Variants in SLC19A3 observed in about 807,000 individuals in gnomAD.
SLC19A3 encodes thiamine transporter 2.
Under a neutral mutation model 40.2 loss-of-function variants are expected in SLC19A3, and 31 were observed. The ratio of observed to expected loss-of-function variants is 0.77; its 90% confidence interval spans 0.58 to 1.04. The LOEUF is 1.04. Ranked by LOEUF, SLC19A3 falls within the 50% of genes least tolerant of loss-of-function variation. SLC19A3 has a pLI of 0.00. For synonymous variants in SLC19A3, 212 were observed against 227.5 expected, an observed-to-expected ratio of 0.93 and a Z score of 0.61; for missense variants, 592 against 596.7, an observed-to-expected ratio of 0.99 and a Z score of 0.08.
chr2:227,714,099 C>G (rs1164754286), intron 1 of SLC19A3, among the ~76,000 whole-genome samples: 2 of 152,120 alleles, frequency 1.3e-5, no homozygotes, highest in African/African-American at 4.8e-5. Flanking sequence ...CACTTAAAAT[C>G]TTTGTTTGTA....
chr2:227,686,688 A>G lies in SLC19A3; in HGVS notation c.*709T>C, dbSNP rs1695029389. 6.6e-6 allele frequency: 1 copy of G among 152,250 alleles called. No homozygotes were observed. Among genetic ancestry groups the G allele is most frequent in the Non-Finnish European group, 1.5e-5 (1 of 68,078 alleles). The allele number at this position is 152,250 out of a possible 1,614,324, so 9.4% of individuals were successfully genotyped here. Reference sequence around the variant, plus strand: ...ACTGCCTCTCCCAGGCCACTGGGAAATGACCTTGTGTATTCTGCAAATACA... The same window carrying G: ...ACTGCCTCTCCCAGGCCACTGGGAAGTGACCTTGTGTATTCTGCAAATACA... On this transcript the variant is annotated 3_prime_UTR_variant, in exon 6 of 6. Coordinates refer to ENST00000644224, the MANE Select transcript of SLC19A3 (RefSeq NM_025243.4).
intron 1 of SLC19A3, chr2:227,714,436 T>A: frequency 2.0e-6 from 2 of 985,392 alleles, no homozygotes; most frequent in South Asian, 4.7e-5. Context: ...GGCAGGAGGA[T>A]CCCTTGAGTT....
intron 5 of SLC19A3, among the ~76,000 whole-genome samples, chr2:227,687,952 T>C (rs892367331): frequency 2.0e-5 from 3 of 152,324 alleles, no homozygotes; most frequent in Admixed American, 1.3e-4. Flanking sequence ...AATTTAAGCA[T>C]TGAGGTTACT....
At chr2:227,693,296 A>C (rs996387408) in intron 4 of SLC19A3, among the ~76,000 whole-genome samples, 56 of 152,110 alleles carry the variant, frequency 3.7e-4, no homozygotes, top group Non-Finnish European at 7.6e-4. Flanking sequence ...ACAACAAAAA[A>C]CTGGAGGAAT....
intron 1 of SLC19A3, among the ~76,000 whole-genome samples, chr2:227,710,986 A>C (rs1399796156): frequency 6.6e-6 from 1 of 152,198 alleles, no homozygotes; most frequent in Non-Finnish European, 1.5e-5. Context: ...AATAGAAGAG[A>C]ATATAACTTT....
chr2:227,688,059 T>A, intron 5 of SLC19A3, 107 bp downstream of exon 5: 2 of 1,259,238 alleles, frequency 1.6e-6, no homozygotes, highest in Non-Finnish European at 2.3e-6. Context: ...GAATTATGTA[T>A]TTTTTAATTG....
intron 1 of SLC19A3, among the ~76,000 whole-genome samples, chr2:227,705,316 G>A (rs554585781): frequency 2.0e-5 from 3 of 151,870 alleles, no homozygotes; most frequent in East Asian, 3.9e-4. Flanking sequence ...AGTTGTAGAG[G>A]AAGACTGGGC....
chr2:227,697,184 G>A (rs1039918223), intron 3 of SLC19A3, among the ~76,000 whole-genome samples: 5 of 152,132 alleles, frequency 3.3e-5, no homozygotes, highest in African/African-American at 7.2e-5. Flanking sequence ...TTCCCCCCAT[G>A]GATTTGGAAT....
chr2:227,714,084 A>G (rs772710491), intron 1 of SLC19A3, among the ~76,000 whole-genome samples: 4 of 152,212 alleles, frequency 2.6e-5, no homozygotes, highest in Non-Finnish European at 4.4e-5. Flanking sequence ...GTATACAATT[A>G]TAAACACTTA....
intron 4 of SLC19A3, among the ~76,000 whole-genome samples, chr2:227,688,547 G>T (rs1695107509): frequency 6.6e-6 from 1 of 152,136 alleles, no homozygotes; most frequent in Non-Finnish European, 1.5e-5. Flanking sequence ...AGCTCTAAGA[G>T]TCTGCTAGAA....
rs777773897 is a variant in SLC19A3, at chr2:227,700,909, C to G, written c.150+1260G>C. 50 of 1,296,836 alleles carry G rather than the reference C, an allele frequency of 3.9e-5. 1 individual carries two copies. The South Asian group carries it at 6.0e-4, about 16-fold the overall frequency. 80.3% of individuals were successfully genotyped at this position (1,296,836 alleles called of 1,614,324 possible). On this transcript the variant is annotated intron_variant, in intron 2 of 5. Transcript: ENST00000644224. ...CAGCCTCTCAAATCACTGAACGTAC[C>G]CACCTTGACACCTGGATCACTGAGG...
At chr2:227,697,374 T>G (rs1236049869) in intron 3 of SLC19A3, among the ~76,000 whole-genome samples, 5 of 152,342 alleles carry the variant, frequency 3.3e-5, no homozygotes, top group South Asian at 2.1e-4. Context: ...AAGTCTCATT[T>G]GACATTTAAG....
intron 1 of SLC19A3, among the ~76,000 whole-genome samples, chr2:227,711,101 C>T (rs1696119931): frequency 6.6e-6 from 1 of 152,184 alleles, no homozygotes; most frequent in African/African-American, 2.4e-5. Context: ...TGCTTAACCA[C>T]CGTCGTTCTG....
At position 227,703,749 on chromosome 2, in the gene SLC19A3, T is replaced by A. The variant is rs1317376813; in HGVS notation, c.-2-1429A>T. ...TGAGGCTTGGTCATCTTCTGAAGAG[T>A]GGTCTTGCTGGGGTAGCATCTGCTG... On this transcript the variant is annotated intron_variant, in intron 1 of 5. Transcript: ENST00000644224. This position sits in a 1 kb window ranked among gnomAD's most constrained non-coding sequence, Gnocchi z 4.7. Among the ~76,000 whole-genome samples the A allele has an allele frequency of 6.6e-6, 1 of 151,930 alleles. No homozygotes were observed. Among genetic ancestry groups the A allele is most frequent in the African/African-American group, 2.4e-5 (1 of 41,350 alleles).
At chr2:227,694,543 T>C (rs1468708383) in intron 4 of SLC19A3, among the ~76,000 whole-genome samples, 3 of 152,236 alleles carry the variant, frequency 2.0e-5, no homozygotes, top group Non-Finnish European at 2.9e-5. Context: ...CAAAACTTGA[T>C]GAAGCTTTTG....
chr2:227,700,537 G>GAAC (rs1695645814), intron 2 of SLC19A3, among the ~76,000 whole-genome samples: 1 of 151,960 alleles, frequency 6.6e-6, no homozygotes, highest in East Asian at 1.9e-4. Flanking sequence ...GACTCCATCT[G>GAAC]AACAACAACA....
At chr2:227,706,134 A>G (rs1474845803) in intron 1 of SLC19A3, among the ~76,000 whole-genome samples, 1 of 151,904 alleles carries the variant, frequency 6.6e-6, no homozygotes, top group African/African-American at 2.4e-5. Context: ...GTTTGGGAGG[A>G]TCACTTCCTC....
rs1008991891 is a variant in SLC19A3 at position 227,705,403 on chromosome 2, C to T, written c.-2-3083G>A. 2.0e-5 allele frequency among the ~76,000 whole-genome samples: 3 copies of T among 149,022 alleles called. No homozygotes were observed. In the Admixed American group the frequency reaches 2.0e-4, roughly 10 times the overall value. On this transcript the variant is annotated intron_variant, in intron 1 of 5. Transcript: ENST00000644224. The stretch of plus-strand genomic sequence containing the variant: ...ACTGCTTGAGGTCAGGTGTTTGAGA[C>T]CAGCCTGGACAACATAGCGAGGCCC...
chr2:227,686,532 T>TG lies in SLC19A3; in HGVS notation c.*864dup, dbSNP rs1292408781. ...TCAGGTGTCACTGTGTTGCCCAGGCTGGTCTTGAACCTCTGGCCTCAAGCA... is the reference window on the plus strand; with the variant it reads ...TCAGGTGTCACTGTGTTGCCCAGGCTGGGTCTTGAACCTCTGGCCTCAAGCA... On this transcript the variant is annotated 3_prime_UTR_variant, in exon 6 of 6. Coordinates refer to ENST00000644224, the MANE Select transcript of SLC19A3 (RefSeq NM_025243.4). 1 of 152,812 alleles carries TG rather than the reference T, an allele frequency of 6.5e-6. No individual in the cohort carries two copies. 9.5% of individuals were successfully genotyped at this position (152,812 alleles called of 1,614,324 possible).
Sources: allele counts gnomAD v4.1 joint callset (sites outside exome capture counted in the v4.1 genomes callset), GRCh38; gene constraint gnomAD v4.1.1; non-coding constraint Gnocchi (gnomAD v3.1); transcripts MANE v1.5; gene names NCBI Gene and HGNC (gene_info 2026-07-23, HGNC 2026-07-21).